TRPM1: variants seen among roughly 807,000 people sequenced by gnomAD.
The protein encoded by TRPM1 is TRPM1-203 APA Isoform, Intron 10.
A neutral mutation model predicts 149.4 loss-of-function variants in TRPM1; 113 were observed. The ratio of observed to expected loss-of-function variants is 0.76; its 90% CI spans 0.65 to 0.88. The LOEUF (loss-of-function observed/expected upper bound fraction) is 0.88, where lower values mean the gene tolerates loss of function less well. Among genes scored for constraint, TRPM1 ranks in the 40% least tolerant of loss-of-function variants. The pLI is 0.00. For synonymous variants in TRPM1, 741 were observed against 759.5 expected (o/e 0.98, Z 0.40); for missense variants, 1,976 against 2,038.7 (o/e 0.97, Z 0.59).
chr15:31,031,063 G>A lies in TRPM1; in HGVS notation c.3047C>T (p.Pro1016Leu). Residue 1016 changes from proline (P) to leucine (L), a missense_variant, in exon 23 of 28, where the codon CCC becomes CTC. Around this residue, in one of 3 missense-constraint regions of TRPM1, gnomAD observed 1,332 missense variants for 1,347.1 expected, o/e 0.99. Transcript: ENST00000256552. ...GATGTTTCGGGCCAGTTTCCAAGAG[G>A]GCTTCTCCTCTGGATGCAGAATGGC... ...RQAILHPEEK[P>L]SWKLARNIFY... 6 of 1,614,084 alleles carry A rather than the reference G, an allele frequency of 3.7e-6. No individual in the cohort carries two copies. Among genetic ancestry groups the A allele is most frequent in the Non-Finnish European group, 5.1e-6 (6 of 1,180,008 alleles).
chr15:31,119,912 A>T (rs982667143), intron 1 of TRPM1, among the ~76,000 whole-genome samples: 26 of 152,166 alleles, frequency 1.7e-4, no homozygotes, highest in African/African-American at 5.8e-4. Flanking sequence ...GCTCAATTGA[A>T]ACTAGAGAAG....
chr15:31,154,893 T>C (rs897605903), intron 1 of TRPM1, among the ~76,000 whole-genome samples: 3 of 152,070 alleles, frequency 2.0e-5, no homozygotes, highest in African/African-American at 4.8e-5. Context: ...GATTTCATCC[T>C]TGACCAATCA....
chr15:31,146,863 C>T (rs1455162848), intron 1 of TRPM1, among the ~76,000 whole-genome samples: 2 of 152,140 alleles, frequency 1.3e-5, no homozygotes, highest in Non-Finnish European at 1.5e-5. Flanking sequence ...TAGCACATGC[C>T]TGTAATCCCA....
chr15:31,005,038 G>A (rs2031936604), intron 27 of TRPM1, among the ~76,000 whole-genome samples: 1 of 151,880 alleles, frequency 6.6e-6, no homozygotes, highest in Admixed American at 6.6e-5. Context: ...GGAGGCGGAG[G>A]TTGCAGTGAG....
At chr15:31,017,682 G>T (rs986733453) in intron 27 of TRPM1, among the ~76,000 whole-genome samples, 1 of 152,180 alleles carries the variant, frequency 6.6e-6, no homozygotes, top group Non-Finnish European at 1.5e-5. Flanking sequence ...CTCTATATTG[G>T]GGTATATCTA....
At chr15:31,109,597 G>A (rs1002219723) in intron 1 of TRPM1, among the ~76,000 whole-genome samples, 38 of 150,850 alleles carry the variant, frequency 2.5e-4, no homozygotes, top group African/African-American at 9.0e-4. Context: ...CTATTATGGA[G>A]GCTGAGGCAG....
At chr15:31,124,673 A>T (rs546279694) in intron 1 of TRPM1, among the ~76,000 whole-genome samples, 8 of 150,886 alleles carry the variant, frequency 5.3e-5, no homozygotes, top group Non-Finnish European at 2.9e-5. Flanking sequence ...AAAAAAAAAA[A>T]AGTCAATCTG....
At chr15:31,040,000 C>T in intron 18 of TRPM1, 118 bp downstream of exon 18, 1 of 867,346 alleles carries the variant, frequency 1.2e-6, no homozygotes. Context: ...ATGGCGTCTC[C>T]CTCAGGGGGT....
At chr15:31,084,203 C>T (rs1017028974) in intron 1 of TRPM1, among the ~76,000 whole-genome samples, 1 of 152,086 alleles carries the variant, frequency 6.6e-6, no homozygotes, top group African/African-American at 2.4e-5. Context: ...TTTTAAAAAT[C>T]GAGATATAAT....
At chr15:31,156,343 C>G (rs2036377340) in intron 1 of TRPM1, among the ~76,000 whole-genome samples, 1 of 152,008 alleles carries the variant, frequency 6.6e-6, no homozygotes, top group African/African-American at 2.4e-5. Flanking sequence ...GAGCTTTCCC[C>G]TTCTAGGCCC....
intron 1 of TRPM1, among the ~76,000 whole-genome samples, chr15:31,083,590 A>G (rs910129385): frequency 6.6e-6 from 1 of 152,178 alleles, no homozygotes; most frequent in Non-Finnish European, 1.5e-5. Flanking sequence ...CCTGCCAGCC[A>G]AAGCACAAGC....
chr15:31,072,615 G>A (rs905709292), intron 3 of TRPM1, among the ~76,000 whole-genome samples: 2 of 152,074 alleles, frequency 1.3e-5, no homozygotes, highest in African/African-American at 2.4e-5. Context: ...TCTCCAAGGT[G>A]GCTGTATCAT....
At chr15:31,124,204 G>C (rs1596086995) in intron 1 of TRPM1, among the ~76,000 whole-genome samples, 1 of 151,978 alleles carries the variant, frequency 6.6e-6, no homozygotes, top group Non-Finnish European at 1.5e-5. Context: ...AGAATCACTT[G>C]AACCTGGAAG....
chr15:31,090,714 G>T (rs2035213103), intron 1 of TRPM1, among the ~76,000 whole-genome samples: 2 of 151,876 alleles, frequency 1.3e-5, no homozygotes, highest in Non-Finnish European at 2.9e-5. Flanking sequence ...GTGCTGGAAA[G>T]CTTTACTATT....
At chr15:31,081,322 G>GGGGGGT in intron 2 of TRPM1, 31 bp downstream of exon 2, 1 of 1,008,394 alleles carries the variant, frequency 9.9e-7, no homozygotes, top group Non-Finnish European at 1.4e-6. Context: ...GGGAGGGGGG[G>GGGGGGT]AAGGTGGAAG....
chr15:31,067,020 T>A (rs752714589), intron 6 of TRPM1, 43 bp downstream of exon 6: 1 of 1,613,846 alleles, frequency 6.2e-7, no homozygotes, highest in Non-Finnish European at 8.5e-7. Context: ...AAATCAATCA[T>A]TAATTTTAAA....
At chr15:31,137,501 T>G (rs1596096357) in intron 1 of TRPM1, among the ~76,000 whole-genome samples, 1 of 152,322 alleles carries the variant, frequency 6.6e-6, no homozygotes, top group East Asian at 1.9e-4. Context: ...ATCTAAGAAG[T>G]GCACTTGAGT....
intron 1 of TRPM1, among the ~76,000 whole-genome samples, chr15:31,088,801 C>CG (rs370669193): frequency 0.26 from 36,226 of 140,066 alleles, 5,320 homozygotes; most frequent in East Asian, 0.78. Flanking sequence ...GTTCTTTCTG[C>CG]TGGGGGGATG....
At chr15:31,104,808 A>T (rs373768340), upstream of TRPM1, among the ~76,000 whole-genome samples, 4 of 151,854 alleles carry the variant, frequency 2.6e-5, no homozygotes, top group African/African-American at 9.7e-5. Context: ...GTTGGCCAGG[A>T]TGGTCTCAAT....
Sources: gnomAD v4.1 joint callset for allele counts (sites outside exome capture counted in the v4.1 genomes callset) on GRCh38, gnomAD v4.1.1 for gene constraint, gnomAD v4.1.1 regional missense constraint, MANE v1.5 for transcripts, NCBI Gene and HGNC (gene_info 2026-07-23, HGNC 2026-07-21) for gene names.